COL13A1: variants seen among roughly 807,000 people sequenced by gnomAD.
COL13A1 encodes collagen alpha-1(XIII) chain.
A neutral mutation model predicts 130.9 loss-of-function variants in COL13A1; 89 were observed. That is an observed-to-expected ratio of 0.68 (90% confidence interval 0.57 to 0.81). The LOEUF (loss-of-function observed/expected upper bound fraction) is 0.81. COL13A1 is among the 30% of genes least tolerant of loss of function. The pLI, the probability that COL13A1 is intolerant of heterozygous loss-of-function variation, is 0.00. For missense variants in COL13A1, 879 were observed against 934.6 expected (o/e 0.94, Z 0.78); for synonymous variants, 402 against 341.6 (o/e 1.18, Z -1.95).
rs771411908 is a variant in COL13A1, at chr10:69,802,585, G to T, written c.162G>T (p.Ser54=). 3.3e-5 allele frequency: 53 copies of T among 1,611,888 alleles called. No individual in the cohort carries two copies. Among genetic ancestry groups the T allele is most frequent in the Non-Finnish European group, 4.2e-5 (50 of 1,179,182 alleles). Residue 54 remains serine, a synonymous_variant, in exon 1 of 41, where the codon TCG becomes TCT. Coordinates refer to ENST00000645393, the MANE Select transcript of COL13A1 (RefSeq NM_001368882.1). ...GGCTGCTGACGCTGGCCCTCTGCTC[G>T]CTGGCACTCAGCCTGCTCGCCCACT... ...SCGLLTLALC[S]LALSLLAHFR... is the part of the protein sequence containing the mutation.
chr10:69,903,378 T>C (rs1456548881), intron 15 of COL13A1, among the ~76,000 whole-genome samples: 1 of 152,224 alleles, frequency 6.6e-6, no homozygotes, highest in Non-Finnish European at 1.5e-5. Flanking sequence ...CTGCGGGGCC[T>C]GCAGGGTCAC....
At chr10:69,895,309 C>G (rs1161890773) in intron 12 of COL13A1, among the ~76,000 whole-genome samples, 1 of 152,156 alleles carries the variant, frequency 6.6e-6, no homozygotes, top group Non-Finnish European at 1.5e-5. Flanking sequence ...AAGGCGAAGC[C>G]CCACCCCTAG....
intron 2 of COL13A1, among the ~76,000 whole-genome samples, chr10:69,841,936 T>C (rs1851708756): frequency 6.6e-6 from 1 of 152,222 alleles, no homozygotes; most frequent in African/African-American, 2.4e-5. Context: ...CAGGGCTTTA[T>C]GGACCACGTT....
chr10:69,881,725 G>A (rs538296289), intron 7 of COL13A1, among the ~76,000 whole-genome samples: 1 of 152,302 alleles, frequency 6.6e-6, no homozygotes, highest in East Asian at 1.9e-4. Flanking sequence ...TAATGACCAC[G>A]CTTAACACTT....
chr10:69,857,219 C>A (rs775373737), intron 2 of COL13A1, among the ~76,000 whole-genome samples: 1 of 152,192 alleles, frequency 6.6e-6, no homozygotes, highest in African/African-American at 2.4e-5. Context: ...CAGGGGCCCA[C>A]GGAAGTAAGA....
intron 12 of COL13A1, 47 bp from the exon 13 acceptor site, chr10:69,895,503 C>T: frequency 6.2e-7 from 1 of 1,608,794 alleles, no homozygotes; most frequent in Non-Finnish European, 8.5e-7. Context: ...AAACAGGTAC[C>T]CCCAACAAGT....
chr10:69,937,257 G>A (rs2067053554), intron 33 of COL13A1, among the ~76,000 whole-genome samples: 1 of 152,160 alleles, frequency 6.6e-6, no homozygotes, highest in Non-Finnish European at 1.5e-5. Flanking sequence ...GAGACTTCGG[G>A]GCAGTTTGTT....
At chr10:69,917,233 G>C (rs2064033280) in intron 17 of COL13A1, 56 bp from the exon 18 acceptor site, 2 of 1,606,478 alleles carry the variant, frequency 1.2e-6, no homozygotes, top group African/African-American at 2.7e-5. Context: ...CATCCTTGCA[G>C]GCTGACAGGC....
chr10:69,949,333 C>T (rs932727916), intron 38 of COL13A1, among the ~76,000 whole-genome samples: 6 of 152,234 alleles, frequency 3.9e-5, no homozygotes, highest in Non-Finnish European at 8.8e-5. Flanking sequence ...CAGGCATGCG[C>T]CACCACGCCC....
chr10:69,921,778 G>A, intron 21 of COL13A1, 104 bp from the exon 22 acceptor site: 1 of 1,451,732 alleles, frequency 6.9e-7, no homozygotes, highest in Non-Finnish European at 9.5e-7. Context: ...GGGCACCGAG[G>A]CAGGAGCAAG....
At chr10:69,938,070 AAGAT>A (rs939094290) in intron 34 of COL13A1, among the ~76,000 whole-genome samples, 6 of 152,250 alleles carry the variant, frequency 3.9e-5, no homozygotes, top group Admixed American at 3.9e-4. Flanking sequence ...GTGGGACAAG[AAGAT>A]AGTCTCCATT....
At chr10:69,804,079 C>T (rs1459054643) in intron 1 of COL13A1, among the ~76,000 whole-genome samples, 2 of 152,134 alleles carry the variant, frequency 1.3e-5, no homozygotes, top group Admixed American at 1.3e-4. Context: ...CACGCCCTGC[C>T]AGGCTCCAGG....
Position 69,878,151 on chromosome 10 carries a change from C to A in COL13A1, c.462+86C>A, listed in dbSNP as rs574742012. 466 of 689,162 alleles carry A rather than the reference C, an allele frequency of 6.8e-4. 2 individuals carry two copies. In the African/African-American group the frequency reaches 7.1e-3, roughly 11 times the overall value. The allele number at this position is 689,162 out of a possible 1,614,324, so 42.7% of individuals were successfully genotyped here. ...ATGGGAGGCTCTCAGCCCTCCCCCC[C>A]ATGAAAGCCGCAGCAGAGGGTGCTG... On this transcript the variant is annotated intron_variant, in intron 6 of 40. Coordinates refer to ENST00000645393, the MANE Select transcript of COL13A1 (RefSeq NM_001368882.1).
At chr10:69,904,500 TG>T (rs1204091151) in intron 15 of COL13A1, among the ~76,000 whole-genome samples, 1 of 152,098 alleles carries the variant, frequency 6.6e-6, no homozygotes, top group African/African-American at 2.4e-5. Context: ...CACAGCACCA[TG>T]GGCAGAAGGA....
At chr10:69,817,887 T>C (rs1442916432) in intron 1 of COL13A1, among the ~76,000 whole-genome samples, 2 of 152,136 alleles carry the variant, frequency 1.3e-5, no homozygotes, top group Non-Finnish European at 2.9e-5. Context: ...AAGCCTAGGC[T>C]GTGGATGGGT....
At chr10:69,827,181 C>T (rs1428510228) in intron 2 of COL13A1, among the ~76,000 whole-genome samples, 3 of 152,160 alleles carry the variant, frequency 2.0e-5, no homozygotes, top group Non-Finnish European at 2.9e-5. Context: ...CAGTAAGTTT[C>T]GGGATGACAT....
At chr10:69,940,498 CAG>C (rs1278734119) in intron 34 of COL13A1, among the ~76,000 whole-genome samples, 1 of 152,346 alleles carries the variant, frequency 6.6e-6, no homozygotes, top group South Asian at 2.1e-4. Flanking sequence ...CTGAGACCCT[CAG>C]GGGCACCCCA....
chr10:69,872,308 G>C, intron 4 of COL13A1, 98 bp downstream of exon 4: 1 of 1,374,470 alleles, frequency 7.3e-7, no homozygotes, highest in East Asian at 2.4e-5. Flanking sequence ...TTCTCCAGGT[G>C]TATCTGGGTG....
chr10:69,933,950 T>C (rs890672160), intron 31 of COL13A1, among the ~76,000 whole-genome samples: 15 of 152,064 alleles, frequency 9.9e-5, no homozygotes, highest in African/African-American at 3.6e-4. Flanking sequence ...GGCGAACATA[T>C]AAAAAATGGA....
Sources: gnomAD v4.1 joint callset for allele counts (sites outside exome capture counted in the v4.1 genomes callset) on GRCh38, gnomAD v4.1.1 for gene constraint, MANE v1.5 for transcripts, NCBI Gene and HGNC (gene_info 2026-07-23, HGNC 2026-07-21) for gene names.